The following FCHSD2 variants were observed in gnomAD, a reference collection of about 807,000 sequenced individuals.
FCHSD2 encodes FCH and double SH3 domains 2.
FCHSD2 carries 38 observed loss-of-function variants against 108.1 expected under a neutral mutation model. The ratio of observed to expected loss-of-function variants is 0.35; its 90% CI spans 0.27 to 0.46. The LOEUF is 0.46. FCHSD2 is among the 20% of genes least tolerant of loss of function. FCHSD2 has a pLI of 1.00. For missense variants in FCHSD2, 751 were observed against 897.8 expected, an observed-to-expected ratio of 0.84 and a Z score of 2.09; for synonymous variants, 279 against 314.7, an observed-to-expected ratio of 0.89 and a Z score of 1.20.
At chr11:72,958,597 AAGTG>A (rs1033022257) in intron 8 of FCHSD2, among the ~76,000 whole-genome samples, 1 of 152,140 alleles carries the variant, frequency 6.6e-6, no homozygotes, top group African/African-American at 2.4e-5. Flanking sequence ...AAAATCTAAT[AAGTG>A]AGTATTTCAA....
In FCHSD2 at chr11:72,889,202, C is replaced by G. The variant is rs934616703; in HGVS notation, c.1041+627G>C. 2.6e-5 allele frequency among the ~76,000 whole-genome samples: 4 copies of G among 152,002 alleles called. No homozygotes were observed. The East Asian group carries it at 7.7e-4, about 29-fold the overall frequency. On this transcript the variant is annotated intron_variant, in intron 11 of 19. Coordinates refer to ENST00000409418, the MANE Select transcript of FCHSD2 (RefSeq NM_014824.3). ...GGTCTCGATCTCCTGACCTTGTGATCCACCCACCTCGGCCTCCCAAAGTGC... is the reference window on the plus strand; with the variant it reads ...GGTCTCGATCTCCTGACCTTGTGATGCACCCACCTCGGCCTCCCAAAGTGC...
At chr11:73,075,910 G>A (rs968947105) in intron 3 of FCHSD2, among the ~76,000 whole-genome samples, 1 of 152,060 alleles carries the variant, frequency 6.6e-6, no homozygotes, top group African/African-American at 2.4e-5. Context: ...CTTGAGTCCA[G>A]GAGTTCGAGA....
chr11:73,132,501 G>C (rs1861025762), intron 2 of FCHSD2, among the ~76,000 whole-genome samples: 1 of 152,122 alleles, frequency 6.6e-6, no homozygotes, highest in African/African-American at 2.4e-5. Flanking sequence ...TCCATTACCA[G>C]TGGTTCTCAA....
chr11:73,133,548 T>C (rs1360219744), intron 2 of FCHSD2, among the ~76,000 whole-genome samples: 1 of 151,766 alleles, frequency 6.6e-6, no homozygotes, highest in Admixed American at 6.6e-5. Context: ...CCAAGGCAGG[T>C]GGATCACTTG....
intron 3 of FCHSD2, among the ~76,000 whole-genome samples, chr11:73,044,260 A>G (rs1270693611): frequency 6.6e-6 from 1 of 152,174 alleles, no homozygotes; most frequent in Admixed American, 6.5e-5. Flanking sequence ...GAATTCCTCA[A>G]TTAAAAAAAA....
chr11:73,028,719 G>A (rs115705219), intron 3 of FCHSD2, among the ~76,000 whole-genome samples: 1 of 152,296 alleles, frequency 6.6e-6, no homozygotes, highest in African/African-American at 2.4e-5. Flanking sequence ...ATCCCCATGT[G>A]TCAGGGGAAA....
intron 2 of FCHSD2, among the ~76,000 whole-genome samples, chr11:73,119,621 T>A (rs574719295): frequency 1.3e-5 from 2 of 152,196 alleles, no homozygotes; most frequent in South Asian, 2.1e-4. Flanking sequence ...TAATTTTTTT[T>A]ATTTTTTTGT....
intron 3 of FCHSD2, among the ~76,000 whole-genome samples, chr11:73,077,823 C>T (rs1859593367): frequency 6.6e-6 from 1 of 152,156 alleles, no homozygotes; most frequent in African/African-American, 2.4e-5. Flanking sequence ...CATTATCTTG[C>T]TTGTGATGCT....
At chr11:72,979,524 A>G (rs1288252165) in intron 8 of FCHSD2, among the ~76,000 whole-genome samples, 1 of 152,212 alleles carries the variant, frequency 6.6e-6, no homozygotes, top group Non-Finnish European at 1.5e-5. Context: ...AGATACAAAT[A>G]ATCAAGAACT....
At chr11:73,039,810 G>C (rs1858590280) in intron 3 of FCHSD2, among the ~76,000 whole-genome samples, 1 of 152,066 alleles carries the variant, frequency 6.6e-6, no homozygotes, top group South Asian at 2.1e-4. Context: ...TTCCACATAA[G>C]TAAAACAGAC....
intron 8 of FCHSD2, among the ~76,000 whole-genome samples, chr11:72,932,881 A>C (rs1485582953): frequency 6.6e-6 from 1 of 152,222 alleles, no homozygotes; most frequent in Admixed American, 6.5e-5. Flanking sequence ...CAGAATTCGC[A>C]TGATTACAAA....
intron 8 of FCHSD2, among the ~76,000 whole-genome samples, chr11:72,954,367 C>G (rs1348392561): frequency 6.6e-6 from 1 of 151,712 alleles, no homozygotes; most frequent in Non-Finnish European, 1.5e-5. Flanking sequence ...TGCCACCATG[C>G]CTGGCTAATT....
intron 12 of FCHSD2, among the ~76,000 whole-genome samples, chr11:72,872,918 A>G (rs1040039236): frequency 3.6e-4 from 55 of 152,294 alleles, no homozygotes; most frequent in Middle Eastern, 6.8e-3. Context: ...TAGGGTGATG[A>G]GGGTTTCTCC....
chr11:72,925,153 C>T (rs1565325734), intron 8 of FCHSD2, among the ~76,000 whole-genome samples: 2 of 152,088 alleles, frequency 1.3e-5, no homozygotes, highest in Non-Finnish European at 2.9e-5. Flanking sequence ...TGTGCCTAGG[C>T]TCTGTGCTAG....
intron 6 of FCHSD2, among the ~76,000 whole-genome samples, chr11:72,986,228 G>A (rs549549271): frequency 2.0e-5 from 3 of 152,144 alleles, no homozygotes; most frequent in Non-Finnish European, 4.4e-5. Context: ...TATTTATTTA[G>A]AGACGGAGTC....
intron 2 of FCHSD2, among the ~76,000 whole-genome samples, chr11:73,116,428 T>C (rs1186195775): frequency 2.0e-5 from 3 of 152,242 alleles, no homozygotes; most frequent in Non-Finnish European, 4.4e-5. Context: ...TTTTTCTCAT[T>C]CTGTGAAACA....
rs192794725 is a variant in FCHSD2, at chr11:72,843,644, T to A, written c.1444-112A>T. On this transcript the variant is annotated intron_variant, in intron 14 of 19. Coordinates refer to ENST00000409418, the MANE Select transcript of FCHSD2 (RefSeq NM_014824.3). ...AATATTGAAATGATTTTGAGAAACA[T>A]GTTGAACATAAAAATTTAAATGCTG... 1.3e-4 allele frequency: 91 copies of A among 721,542 alleles called. No individual in the cohort carries two copies. In the African/African-American group the frequency reaches 1.5e-3, roughly 12 times the overall value. The allele number at this position is 721,542 out of a possible 1,614,324, so 44.7% of individuals were successfully genotyped here. A position where few individuals can be genotyped will look rare whatever the true frequency, so the allele number is the denominator to read the frequency against.
intron 2 of FCHSD2, among the ~76,000 whole-genome samples, chr11:73,097,440 G>T (rs1441451714): frequency 6.6e-6 from 1 of 150,934 alleles, no homozygotes. Context: ...TTTTCTTCTG[G>T]TATCTGTTTG....
chr11:73,113,525 C>T (rs1382610158), intron 2 of FCHSD2, among the ~76,000 whole-genome samples: 2 of 152,008 alleles, frequency 1.3e-5, no homozygotes, highest in Admixed American at 6.6e-5. Context: ...TGTGCCACCA[C>T]GCCCAGCTAG....
Sources: allele counts gnomAD v4.1 joint callset (sites outside exome capture counted in the v4.1 genomes callset), GRCh38; gene constraint gnomAD v4.1.1; transcripts MANE v1.5; gene names NCBI Gene and HGNC (gene_info 2026-07-23, HGNC 2026-07-21).